Variants in ASXL2 observed in about 807,000 individuals in gnomAD.
ASXL2 encodes the protein putative Polycomb group protein ASXL2.
A neutral mutation model predicts 122.0 loss-of-function variants in ASXL2; 23 were observed. The observed-to-expected ratio is 0.19, with a 90% CI of 0.14 to 0.27. The LOEUF is 0.27. Among genes scored for constraint, ASXL2 ranks in the 10% least tolerant of loss-of-function variants. The pLI is 1.00. For synonymous variants in ASXL2, 650 were observed against 637.0 expected (o/e 1.02, Z -0.31); for missense variants, 1,518 against 1,713.8 (o/e 0.89, Z 2.02).
At position 25,741,407 on chromosome 2, in the gene ASXL2, G is replaced by C. The variant is rs561001715; in HGVS notation, c.*622C>G. The C allele has an allele frequency of 9.2e-5, 21 of 227,132 alleles. No individual in the cohort carries two copies. In the East Asian group the frequency reaches 1.3e-3, roughly 14 times the overall value. 14.1% of individuals were successfully genotyped at this position (227,132 alleles called of 1,614,324 possible). A position where few individuals can be genotyped will look rare whatever the true frequency, so the allele number is the denominator to read the frequency against. Reference sequence around the variant, plus strand: ...CAGTAGAAGCCAAGAACCAAGTCAGGGCTTTCAGAGTCTGAAACACTACCT... The same window carrying C: ...CAGTAGAAGCCAAGAACCAAGTCAGCGCTTTCAGAGTCTGAAACACTACCT... On this transcript the variant is annotated 3_prime_UTR_variant, in exon 13 of 13. Transcript: ENST00000435504.
At chr2:25,815,664 T>C (rs913200620) in intron 3 of ASXL2, among the ~76,000 whole-genome samples, 4 of 152,194 alleles carry the variant, frequency 2.6e-5, no homozygotes, top group Non-Finnish European at 4.4e-5. Flanking sequence ...AGCAGTCATC[T>C]TGCAATTATG....
intron 11 of ASXL2, among the ~76,000 whole-genome samples, chr2:25,752,690 A>C (rs1281022716): frequency 2.0e-5 from 3 of 151,664 alleles, no homozygotes; most frequent in African/African-American, 7.3e-5. Context: ...TCCACTAAAA[A>C]TACAAAATTT....
chr2:25,809,959 A>T (rs989704115), intron 3 of ASXL2: 2 of 525,776 alleles, frequency 3.8e-6, no homozygotes, highest in Non-Finnish European at 7.6e-6. Context: ...AGTCTGGTCC[A>T]GCATCCTTTG....
chr2:25,843,014 G>GTT (rs1444939106), intron 2 of ASXL2, among the ~76,000 whole-genome samples: 4 of 150,862 alleles, frequency 2.7e-5, no homozygotes, highest in African/African-American at 9.7e-5. Context: ...TAGAGACGGG[G>GTT]TTTTGGCTGG....
rs2087902779 is a variant in ASXL2 at position 25,744,300 on chromosome 2, TGCGGCGGCA to T, written c.2028_2036del (p.Ala682_Ala684del). ...CTCCAACTGAGGCGGCTGCAGCAGCTGCGGCGGCAGCGGCAGCTGCTGCCCTCTGTGCTT... is the reference window on the plus strand; with the variant it reads ...CTCCAACTGAGGCGGCTGCAGCAGCTGCGGCAGCTGCTGCCCTCTGTGCTT... On this transcript the variant is annotated inframe_deletion, in exon 13 of 13. Coordinates refer to ENST00000435504, the MANE Select transcript of ASXL2 (RefSeq NM_018263.6). This position sits in a 1 kb window ranked among gnomAD's most constrained non-coding sequence, Gnocchi z 4.7. 6.2e-7 allele frequency: 1 copy of T among 1,611,446 alleles called. No individual in the cohort carries two copies. Among genetic ancestry groups the T allele is most frequent in the Non-Finnish European group, 8.5e-7 (1 of 1,179,232 alleles).
chr2:25,734,117 A>C lies in ASXL2; in HGVS notation c.*7912T>G, dbSNP rs1052909129. ...CAGCTAAGTGTTTTTTTTTCTTTCAAATTTCTAGAGTTTCATTTGTTATGT... is the reference window on the plus strand; with the variant it reads ...CAGCTAAGTGTTTTTTTTTCTTTCACATTTCTAGAGTTTCATTTGTTATGT... On this transcript the variant is annotated 3_prime_UTR_variant, in exon 13 of 13. Transcript: ENST00000435504. The C allele has an allele frequency of 1.3e-5, 2 of 151,708 alleles. No individual in the cohort carries two copies. The highest frequency in any genetic ancestry group is 1.3e-4 in the Admixed American group (2 of 15,224). The allele number at this position is 151,708 out of a possible 1,614,324, so 9.4% of individuals were successfully genotyped here. A position where few individuals can be genotyped will look rare whatever the true frequency, so the allele number is the denominator to read the frequency against.
intron 1 of ASXL2, among the ~76,000 whole-genome samples, chr2:25,858,731 A>G (rs2089811201): frequency 1.3e-5 from 2 of 152,052 alleles, no homozygotes; most frequent in African/African-American, 4.8e-5. Flanking sequence ...CAAAAAAAAA[A>G]AATTTAAAGC....
chr2:25,742,053 GCA>G lies in ASXL2; in HGVS notation c.4282_4283del (p.Cys1428ArgfsTer17), dbSNP rs1553690949. On this transcript the variant is annotated frameshift_variant, in exon 13 of 13. Coordinates refer to ENST00000435504, the MANE Select transcript of ASXL2 (RefSeq NM_018263.6). LOFTEE classifies it high-confidence loss of function. ...HDDCIGPSKL[C>X]VSCLVVR ...ATTACCGAACGACAAGGCAGGAGACGCACAGTTTGGAGGGGCCGATGCAATCA... is the reference window on the plus strand; with the variant it reads ...ATTACCGAACGACAAGGCAGGAGACGCAGTTTGGAGGGGCCGATGCAATCA... 5 of 1,613,234 alleles carry G rather than the reference GCA, an allele frequency of 3.1e-6. No homozygotes were observed. The highest frequency in any genetic ancestry group is 3.4e-6 in the Non-Finnish European group (4 of 1,179,440).
rs772402028 is a variant in ASXL2 at position 25,768,827 on chromosome 2, G to A, written c.546C>T (p.Cys182=). The change falls in exon 7 of 13, where the codon TGC becomes TGT. Residue 182 remains cysteine (C), a synonymous_variant. Transcript: ENST00000435504. ...QQQQKKQQQQ[C]RPSISISSNQ... is the part of the protein sequence containing the mutation. ...TGGAGGAGATGGATATGCTTGGCCT[G>A]CATTGCTGCTGCTGCTTCTTCTGCT... is the stretch of plus-strand genomic sequence containing the variant. The A allele has an allele frequency of 1.1e-4, 178 of 1,613,620 alleles. 1 individual carries two copies. Among genetic ancestry groups the A allele is most frequent in the Non-Finnish European group, 1.5e-4 (174 of 1,179,742 alleles).
intron 2 of ASXL2, among the ~76,000 whole-genome samples, chr2:25,838,582 T>C (rs2089540055): frequency 6.6e-6 from 1 of 152,132 alleles, no homozygotes; most frequent in African/African-American, 2.4e-5. Context: ...TTGAATCACC[T>C]CTGACACTCC....
intron 5 of ASXL2, among the ~76,000 whole-genome samples, chr2:25,783,021 C>T (rs1320856875): frequency 6.6e-6 from 1 of 151,968 alleles, no homozygotes; most frequent in African/African-American, 2.4e-5. Context: ...CCCAGCCACT[C>T]GGCAGGCTGA....
intron 5 of ASXL2, among the ~76,000 whole-genome samples, chr2:25,785,388 C>T (rs1356076063): frequency 6.6e-6 from 1 of 151,812 alleles, no homozygotes; most frequent in Non-Finnish European, 1.5e-5. Context: ...CCATGTCAGG[C>T]CGATTTCTTT....
intron 3 of ASXL2, among the ~76,000 whole-genome samples, chr2:25,826,995 ATTTTTT>A (rs34208753): frequency 7.9e-6 from 1 of 127,382 alleles, no homozygotes. Flanking sequence ...ACAGCTAATA[ATTTTTT>A]TTTTTTTTTT....
At chr2:25,747,886 T>C (rs922727406) in intron 12 of ASXL2, among the ~76,000 whole-genome samples, 3 of 152,142 alleles carry the variant, frequency 2.0e-5, no homozygotes, top group African/African-American at 7.2e-5. Context: ...AGCAATGAAT[T>C]GGCCAGGCGT....
At chr2:25,801,574 C>T (rs1424564451) in intron 4 of ASXL2, among the ~76,000 whole-genome samples, 1 of 152,128 alleles carries the variant, frequency 6.6e-6, no homozygotes, top group Non-Finnish European at 1.5e-5. Flanking sequence ...GTCAGCCAGA[C>T]ATCTTGTCAT....
At chr2:25,877,674 A>C (rs1251781521) in intron 1 of ASXL2, among the ~76,000 whole-genome samples, 2 of 152,238 alleles carry the variant, frequency 1.3e-5, no homozygotes, top group African/African-American at 4.8e-5. Flanking sequence ...CGGGAGCCAG[A>C]CAAACAGGGG....
At chr2:25,746,317 G>C (rs2149138749) in intron 12 of ASXL2, among the ~76,000 whole-genome samples, 1 of 152,186 alleles carries the variant, frequency 6.6e-6, no homozygotes, top group East Asian at 1.9e-4. Context: ...AGGTGTCACA[G>C]AGTATATATT....
intron 1 of ASXL2, chr2:25,857,100 G>GA (rs1372605025): frequency 8.7e-6 from 1 of 115,478 alleles, no homozygotes; most frequent in Non-Finnish European, 1.8e-5. Context: ...CGGGGGGGGG[G>GA]AGATGGGCAG....
chr2:25,742,943 C>G lies in ASXL2; in HGVS notation c.3394G>C (p.Gly1132Arg), dbSNP rs773567574. ...CTCCTAAAGCTCTCTGAGCCCCGGC[C>G]GTAGGTAGAAATATTCAGTAAGTAG... is the stretch of plus-strand genomic sequence containing the variant. ...GHYLLNISTYGRGSESFRRTH... is the reference protein window; with the variant it reads ...GHYLLNISTYRRGSESFRRTH... Residue 1132 changes from glycine (G) to arginine (R), a missense_variant, in exon 13 of 13, where the codon GGC (glycine) becomes CGC (arginine). Around this residue, in one of 8 missense-constraint regions of ASXL2, gnomAD observed 831 missense variants for 833.1 expected, o/e 1.00. Coordinates refer to ENST00000435504, the MANE Select transcript of ASXL2 (RefSeq NM_018263.6). 1 of 1,613,850 alleles carries G rather than the reference C, an allele frequency of 6.2e-7. No individual in the cohort carries two copies. The highest frequency in any genetic ancestry group is 1.1e-5 in the South Asian group (1 of 91,086).
Sources: allele counts gnomAD v4.1 joint callset (sites outside exome capture counted in the v4.1 genomes callset), GRCh38; gene constraint gnomAD v4.1.1; regional missense constraint gnomAD v4.1.1; non-coding constraint Gnocchi (gnomAD v3.1); transcripts MANE v1.5; gene names NCBI Gene and HGNC (gene_info 2026-07-23, HGNC 2026-07-21).